The following DOK7 variants were observed in gnomAD, a reference collection of about 807,000 sequenced individuals.
The protein encoded by DOK7 is docking protein 7.
Under a neutral mutation model 30.7 loss-of-function variants are expected in DOK7, and 32 were observed. The ratio of observed to expected loss-of-function variants is 1.04; its 90% CI spans 0.79 to 1.40. DOK7 has a LOEUF of 1.40. DOK7 is among the 40% of genes most tolerant of loss of function. DOK7 has a pLI of 0.00. For missense variants in DOK7, 1,007 were observed against 699.2 expected (o/e 1.44, Z -4.97); for synonymous variants, 447 against 324.1 (o/e 1.38, Z -4.07).
At chr4:3,474,760 TG>T (rs1226587014) in intron 3 of DOK7, among the ~76,000 whole-genome samples, 17 of 151,794 alleles carry the variant, frequency 1.1e-4, no homozygotes, top group Non-Finnish European at 2.1e-4. Flanking sequence ...AGGCAGAGGT[TG>T]CAATGAGCTG....
chr4:3,485,717 C>G (rs1434692241), intron 5 of DOK7, 59 bp downstream of exon 5: 5 of 1,440,120 alleles, frequency 3.5e-6, no homozygotes, highest in Non-Finnish European at 3.7e-6. Context: ...TGCGACGTCC[C>G]GGGGCGGGGG....
intron 2 of DOK7, among the ~76,000 whole-genome samples, chr4:3,472,220 C>T (rs1171316280): frequency 1.3e-5 from 2 of 152,256 alleles, no homozygotes; most frequent in African/African-American, 4.8e-5. Context: ...CTGCTCTGGA[C>T]TCCATTGCAA....
At chr4:3,489,193 A>G (rs1263847485) in intron 5 of DOK7, among the ~76,000 whole-genome samples, 3 of 152,106 alleles carry the variant, frequency 2.0e-5, no homozygotes, top group Non-Finnish European at 4.4e-5. Flanking sequence ...ATGAGTCTCC[A>G]TCCGAGACCC....
intron 4 of DOK7, 42 bp downstream of exon 4, chr4:3,476,584 C>A: frequency 6.2e-7 from 1 of 1,607,716 alleles, no homozygotes; most frequent in Non-Finnish European, 8.5e-7. Context: ...CAGCAGCACC[C>A]CCCACTTCCC....
intron 4 of DOK7, chr4:3,484,891 A>T: frequency 1.0e-6 from 1 of 985,046 alleles, no homozygotes; most frequent in Non-Finnish European, 1.2e-6. Context: ...CCCTCCCAAC[A>T]GCCCGGGGGA....
rs1011334168 is a variant in DOK7, at chr4:3,491,357, C to A, written c.773-1402C>A. ...TCCTTCCTTCTTCGCCTGCTTGTTC[C>A]TTCCTTCCTCTGCTCCCCCTGCTCG... On this transcript the variant is annotated intron_variant, in intron 6 of 6. Transcript: ENST00000340083. Among the ~76,000 whole-genome samples, 98 of 32,764 alleles carry A rather than the reference C, an allele frequency of 3.0e-3. 1 individual carries two copies. The highest frequency in any genetic ancestry group is 6.2e-3 in the African/African-American group (76 of 12,226). The allele number at this position is 32,764 out of a possible 152,430, so 21.5% of individuals were successfully genotyped here.
At chr4:3,480,760 C>A (rs967995113) in intron 4 of DOK7, among the ~76,000 whole-genome samples, 1 of 152,254 alleles carries the variant, frequency 6.6e-6, no homozygotes, top group African/African-American at 2.4e-5. Context: ...GAACCCTGGC[C>A]TCTGTCAGGC....
At chr4:3,490,486 A>ATTCCTTTCTTCTCCCTCTGCTCATTCC (rs1728250083) in intron 6 of DOK7, among the ~76,000 whole-genome samples, 1 of 100,634 alleles carries the variant, frequency 9.9e-6, no homozygotes, top group African/African-American at 4.1e-5. Flanking sequence ...CTGCTCATTC[A>ATTCCTTTCTTCTCCCTCTGCTCATTCC]TTCCTTCCTT....
At chr4:3,486,701 C>T (rs1373056769) in intron 5 of DOK7, among the ~76,000 whole-genome samples, 1 of 88,042 alleles carries the variant, frequency 1.1e-5, no homozygotes. Context: ...TGGATGCACC[C>T]CTGCAGGTGT....
rs745791856 is a variant in DOK7 at position 3,463,453 on chromosome 4, G to A, written c.54+24G>A. ...AGGTCGGGGCGCGTCGGGGGCGCGG[G>A]GGGGGGGGGCGCGGGCGCGGGCGGC... On this transcript the variant is annotated intron_variant, in intron 1 of 6. Coordinates refer to ENST00000340083, the MANE Select transcript of DOK7 (RefSeq NM_173660.5). 5.4e-6 allele frequency: 6 copies of A among 1,104,324 alleles called. No homozygotes were observed. The highest frequency in any genetic ancestry group is 4.7e-5 in the Admixed American group (1 of 21,286). 68.4% of individuals were successfully genotyped at this position (1,104,324 alleles called of 1,614,324 possible).
At chr4:3,500,556 G>A in intron 7 of DOK7, 3 of 1,487,168 alleles carry the variant, frequency 2.0e-6, no homozygotes, top group South Asian at 2.6e-5. Context: ...CTCCATCCCT[G>A]GCCAGGCCAC....
intron 2 of DOK7, among the ~76,000 whole-genome samples, chr4:3,472,134 C>T (rs1226994732): frequency 1.3e-5 from 2 of 152,216 alleles, no homozygotes; most frequent in African/African-American, 2.4e-5. Flanking sequence ...GTCACACAGA[C>T]CCCCTGGCTC....
intron 2 of DOK7, among the ~76,000 whole-genome samples, chr4:3,468,533 TGA>T (rs1240886477): frequency 5.6e-5 from 8 of 142,884 alleles, no homozygotes; most frequent in African/African-American, 1.7e-4. Flanking sequence ...TGTGTGACTG[TGA>T]GTGTATGTGT....
Position 3,493,408 on chromosome 4 carries a change from C to G in DOK7, c.1422C>G (p.Pro474=). ...ATLPGPAPGE[P]WEAGGPHAGP... The stretch of plus-strand genomic sequence containing the variant: ...TGCCTGGCCCTGCCCCTGGCGAGCC[C>G]TGGGAAGCAGGCGGCCCCCACGCGG... The change falls in exon 7 of 7, where the codon CCC becomes CCG. Residue 474 remains proline, a synonymous_variant. Transcript: ENST00000340083. The G allele has an allele frequency of 6.3e-7, 1 of 1,598,112 alleles. No individual in the cohort carries two copies. The highest frequency in any genetic ancestry group is 8.5e-7 in the Non-Finnish European group (1 of 1,172,702).
intron 5 of DOK7, among the ~76,000 whole-genome samples, chr4:3,487,872 T>G (rs1431326313): frequency 6.6e-6 from 1 of 152,226 alleles, no homozygotes; most frequent in African/African-American, 2.4e-5. Context: ...GCAGTTGTGC[T>G]GTCCTGTCAC....
At chr4:3,471,187 T>A (rs1035483583) in intron 2 of DOK7, among the ~76,000 whole-genome samples, 1 of 152,214 alleles carries the variant, frequency 6.6e-6, no homozygotes, top group African/African-American at 2.4e-5. Context: ...CAGACAGATG[T>A]GTACCTGAAT....
chr4:3,468,613 CCTTT>C (rs1273730384), intron 2 of DOK7, among the ~76,000 whole-genome samples: 2 of 133,826 alleles, frequency 1.5e-5, no homozygotes, highest in Non-Finnish European at 3.2e-5. Context: ...TGTGTGCGTG[CCTTT>C]GTGTGTGCGT....
chr4:3,468,002 G>A (rs1726409755), intron 2 of DOK7, among the ~76,000 whole-genome samples: 1 of 152,236 alleles, frequency 6.6e-6, no homozygotes, highest in South Asian at 2.1e-4. Flanking sequence ...CGCCTTGGGG[G>A]TGAAGATTTC....
rs1449483347 is a variant in DOK7, at chr4:3,493,617, G to T, written c.*116G>T. The T allele has an allele frequency of 2.7e-6, 4 of 1,504,690 alleles. No homozygotes were observed. Among genetic ancestry groups the T allele is most frequent in the Non-Finnish European group, 2.7e-6 (3 of 1,123,976 alleles). 93.2% of individuals were successfully genotyped at this position (1,504,690 alleles called of 1,614,324 possible). A position where few individuals can be genotyped will look rare whatever the true frequency, so the allele number is the denominator to read the frequency against. ...CTCTGTGTTCTGTGGGAGGGACCGG[G>T]GGTCTCCCGGAGAGGGGAGCTGGAG... On this transcript the variant is annotated 3_prime_UTR_variant, in exon 7 of 7. Transcript: ENST00000340083.
Sources: allele counts gnomAD v4.1 joint callset (sites outside exome capture counted in the v4.1 genomes callset), GRCh38; gene constraint gnomAD v4.1.1; transcripts MANE v1.5; gene names NCBI Gene and HGNC (gene_info 2026-07-23, HGNC 2026-07-21).